Variants in GLTP observed in about 807,000 individuals in gnomAD.
GLTP encodes the protein glycolipid transfer protein.
Under a neutral mutation model 24.0 loss-of-function variants are expected in GLTP, and 22 were observed. That is an observed-to-expected ratio of 0.92 (90% CI 0.65 to 1.31). GLTP has a LOEUF of 1.31. Among genes scored for constraint, GLTP ranks in the 50% most tolerant of loss-of-function variants. The pLI is 0.00. For missense variants in GLTP, 224 were observed against 276.6 expected (o/e 0.81, Z 1.35); for synonymous variants, 92 against 115.9 (o/e 0.79, Z 1.33).
At chr12:109,865,520 T>G (rs1196986797) in intron 1 of GLTP, among the ~76,000 whole-genome samples, 4 of 151,558 alleles carry the variant, frequency 2.6e-5, no homozygotes, top group Non-Finnish European at 4.4e-5. Context: ...CCCAGCTACT[T>G]GGGAGGGTGA....
In GLTP at chr12:109,857,898, C is replaced by G. The variant is rs1241590741; in HGVS notation, c.163-239G>C. 2 of 544,222 alleles carry G rather than the reference C, an allele frequency of 3.7e-6. No individual in the cohort carries two copies. The highest frequency in any genetic ancestry group is 6.6e-6 in the Non-Finnish European group (2 of 301,830). The allele number at this position is 544,222 out of a possible 1,614,324, so 33.7% of individuals were successfully genotyped here. ...CAAACCTGATGTTGCTGTCATTATC[C>G]CATTTTACAGGCAGAGACACTGAGG... On this transcript the variant is annotated intron_variant, in intron 2 of 4. Coordinates refer to ENST00000318348, the MANE Select transcript of GLTP (RefSeq NM_016433.4). The surrounding 1 kb of genome is among the most constrained non-coding windows in gnomAD (Gnocchi z 4.3).
At chr12:109,875,057 C>T (rs1179700526) in intron 1 of GLTP, among the ~76,000 whole-genome samples, 1 of 152,178 alleles carries the variant, frequency 6.6e-6, no homozygotes, top group Non-Finnish European at 1.5e-5. Context: ...GCCACCATGC[C>T]TGGCCTACTC....
chr12:109,873,775 T>C (rs1868802021), intron 1 of GLTP, among the ~76,000 whole-genome samples: 1 of 152,066 alleles, frequency 6.6e-6, no homozygotes. Context: ...CCCCACTGCA[T>C]GCCAGTCTGG....
intron 2 of GLTP, chr12:109,858,074 C>T (rs1892822516): frequency 2.2e-6 from 1 of 456,298 alleles, no homozygotes; most frequent in Non-Finnish European, 4.4e-6. Context: ...CCAAGAAGTC[C>T]AGGAACGAAG....
intron 1 of GLTP, among the ~76,000 whole-genome samples, chr12:109,871,224 A>G (rs1203031133): frequency 1.3e-5 from 2 of 151,694 alleles, no homozygotes; most frequent in Non-Finnish European, 2.9e-5. Context: ...CTGGGATTAC[A>G]GGATTGCGCC....
chr12:109,868,354 G>A (rs1160826214), intron 1 of GLTP, among the ~76,000 whole-genome samples: 2 of 152,132 alleles, frequency 1.3e-5, no homozygotes, highest in African/African-American at 2.4e-5. Flanking sequence ...GACAGTACTG[G>A]TCGTTATGCT....
chr12:109,865,446 G>A (rs1322117915), intron 1 of GLTP, among the ~76,000 whole-genome samples: 1 of 152,112 alleles, frequency 6.6e-6, no homozygotes, highest in South Asian at 2.1e-4. Context: ...GACCAACATG[G>A]TGAAACCCCC....
intron 1 of GLTP, among the ~76,000 whole-genome samples, chr12:109,862,430 C>T (rs1017291091): frequency 2.0e-5 from 3 of 152,202 alleles, no homozygotes; most frequent in African/African-American, 7.2e-5. Context: ...GATCCTCTTT[C>T]CTCTGCCAGT....
At chr12:109,879,737 CTT>C (rs1212039625) in intron 1 of GLTP, among the ~76,000 whole-genome samples, 1 of 152,050 alleles carries the variant, frequency 6.6e-6, no homozygotes, top group Non-Finnish European at 1.5e-5. Flanking sequence ...AGATGGGAGT[CTT>C]TGATCTGGAA....
At chr12:109,856,085 G>C (rs1284583289) in intron 3 of GLTP, among the ~76,000 whole-genome samples, 1 of 152,058 alleles carries the variant, frequency 6.6e-6, no homozygotes, top group Non-Finnish European at 1.5e-5. Flanking sequence ...CCACAGGCTG[G>C]AACATGGTAG....
Position 109,868,121 on chromosome 12 carries a change from C to T in GLTP, c.104-9380G>A, listed in dbSNP as rs563553732. Among the ~76,000 whole-genome samples, 7 of 152,378 alleles carry T rather than the reference C, an allele frequency of 4.6e-5. No homozygotes were observed. The South Asian group carries it at 1.0e-3, about 23-fold the overall frequency. On this transcript the variant is annotated intron_variant, in intron 1 of 4. Transcript: ENST00000318348. ...CGAGGCTCAAGTGATCCTCCAGCCT[C>T]AGTCTCTGGAGTAGCTGAGACTACA...
At chr12:109,870,418 C>T (rs1868683344) in intron 1 of GLTP, among the ~76,000 whole-genome samples, 1 of 151,442 alleles carries the variant, frequency 6.6e-6, no homozygotes, top group Non-Finnish European at 1.5e-5. Context: ...TGCAGTGAGC[C>T]GAGATCATGC....
At chr12:109,859,612 T>A (rs11068641) in intron 1 of GLTP, among the ~76,000 whole-genome samples, 20,878 of 134,730 alleles carry the variant, frequency 0.15, 2,716 homozygotes, top group African/African-American at 0.38. Context: ...AGATTTTTTT[T>A]AAAAAAAAGT....
At chr12:109,860,955 A>G (rs532847678) in intron 1 of GLTP, among the ~76,000 whole-genome samples, 31 of 152,188 alleles carry the variant, frequency 2.0e-4, no homozygotes, top group Non-Finnish European at 3.2e-4. Context: ...CCGGGCTTCC[A>G]TGACACCTTT....
intron 1 of GLTP, among the ~76,000 whole-genome samples, chr12:109,861,374 G>A (rs1868368122): frequency 6.6e-6 from 1 of 152,150 alleles, no homozygotes; most frequent in Admixed American, 6.5e-5. Flanking sequence ...AAGTCTCCTC[G>A]CCGCTGTGTG....
intron 4 of GLTP, among the ~76,000 whole-genome samples, chr12:109,854,132 A>G (rs1025326379): frequency 5.9e-5 from 9 of 151,790 alleles, no homozygotes; most frequent in African/African-American, 2.2e-4. Flanking sequence ...CCGAGGTGGG[A>G]GGATTGCTTT....
intron 1 of GLTP, among the ~76,000 whole-genome samples, chr12:109,872,228 T>A (rs1037269590): frequency 6.6e-6 from 1 of 152,210 alleles, no homozygotes; most frequent in Admixed American, 6.5e-5. Context: ...CAGGCATTGA[T>A]TTTGGTGCTC....
chr12:109,878,666 G>T (rs569567329), intron 1 of GLTP, among the ~76,000 whole-genome samples: 17 of 152,252 alleles, frequency 1.1e-4, no homozygotes, highest in Middle Eastern at 3.4e-3. Flanking sequence ...TGCTAGAGCT[G>T]GTTCGCTCCC....
At chr12:109,859,529 T>A (rs976679643) in intron 1 of GLTP, among the ~76,000 whole-genome samples, 1 of 150,882 alleles carries the variant, frequency 6.6e-6, no homozygotes, top group Non-Finnish European at 1.5e-5. Context: ...AAAAAATAAT[T>A]TTTTTTTTGC....
Sources: gnomAD v4.1 joint callset for allele counts (sites outside exome capture counted in the v4.1 genomes callset) on GRCh38, gnomAD v4.1.1 for gene constraint, Gnocchi (gnomAD v3.1) non-coding constraint, MANE v1.5 for transcripts, NCBI Gene and HGNC (gene_info 2026-07-23, HGNC 2026-07-21) for gene names.